NCAM2: variants seen among roughly 807,000 people sequenced by gnomAD.
NCAM2 encodes N-CAM-2.
Under a neutral mutation model 98.1 loss-of-function variants are expected in NCAM2, and 30 were observed. The observed-to-expected ratio is 0.31, with a 90% CI of 0.23 to 0.41. The LOEUF (loss-of-function observed/expected upper bound fraction) is 0.41. Among genes scored for constraint, NCAM2 ranks in the 10% least tolerant of loss-of-function variants. The pLI is 1.00. For synonymous variants in NCAM2, 368 were observed against 342.4 expected (o/e 1.07, Z -0.83); for missense variants, 867 against 1,005.8 (o/e 0.86, Z 1.87).
intron 8 of NCAM2, among the ~76,000 whole-genome samples, chr21:21,362,641 G>A (rs1205558323): frequency 6.6e-6 from 1 of 152,026 alleles, no homozygotes; most frequent in African/African-American, 2.4e-5. Flanking sequence ...ACTCTTCAGT[G>A]GTAATTTATC....
chr21:21,297,644 G>T (rs751590107), intron 5 of NCAM2, among the ~76,000 whole-genome samples: 1 of 151,530 alleles, frequency 6.6e-6, no homozygotes, highest in East Asian at 2.0e-4. Context: ...TCTAAAAGAG[G>T]ATTAATATTG....
In NCAM2 at chr21:21,404,403, T is replaced by C. The variant is rs232452; in HGVS notation, c.1196-5871T>C. Among the ~76,000 whole-genome samples, 1,047 of 152,190 alleles carry C rather than the reference T, an allele frequency of 6.9e-3. 14 individuals carry two copies. Among genetic ancestry groups the C allele is most frequent in the African/African-American group, 0.023 (972 of 41,538 alleles). On this transcript the variant is annotated intron_variant, in intron 9 of 17. Coordinates refer to ENST00000400546, the MANE Select transcript of NCAM2 (RefSeq NM_004540.5). ...GGTAGTGAATAAGTCTCACGAGAGC[T>C]GATGGTTTTATAAGGGGTTTCCCCT... is the stretch of plus-strand genomic sequence containing the variant.
intron 12 of NCAM2, among the ~76,000 whole-genome samples, chr21:21,440,533 T>C (rs992311204): frequency 4.6e-5 from 7 of 151,872 alleles, no homozygotes; most frequent in African/African-American, 1.7e-4. Flanking sequence ...ATACAAAAAT[T>C]AGCTGGGTGT....
At chr21:21,134,891 T>G (rs1206298915) in intron 1 of NCAM2, among the ~76,000 whole-genome samples, 1 of 152,032 alleles carries the variant, frequency 6.6e-6, no homozygotes, top group Non-Finnish European at 1.5e-5. Context: ...TTTTTTATTT[T>G]TATTTTTTTG....
chr21:21,094,664 G>C (rs1442484051), intron 1 of NCAM2, among the ~76,000 whole-genome samples: 1 of 151,692 alleles, frequency 6.6e-6, no homozygotes, highest in East Asian at 1.9e-4. Flanking sequence ...CAGAATAAAT[G>C]TATGTAGTGT....
intron 6 of NCAM2, among the ~76,000 whole-genome samples, chr21:21,334,227 C>A (rs2074793605): frequency 1.3e-5 from 2 of 152,138 alleles, no homozygotes. Context: ...CCCACCACAC[C>A]CGACCCATTT....
chr21:21,124,487 C>T (rs974964806), intron 1 of NCAM2, among the ~76,000 whole-genome samples: 2 of 151,972 alleles, frequency 1.3e-5, no homozygotes, highest in Non-Finnish European at 2.9e-5. Context: ...GGTCAGCTTT[C>T]GAGGGCTACA....
At chr21:21,072,559 T>C (rs1277220576) in intron 1 of NCAM2, among the ~76,000 whole-genome samples, 4 of 152,072 alleles carry the variant, frequency 2.6e-5, no homozygotes, top group Non-Finnish European at 4.4e-5. Flanking sequence ...ACCAGATAAA[T>C]AAATTAGACT....
chr21:21,089,374 A>G (rs1247869668), intron 1 of NCAM2, among the ~76,000 whole-genome samples: 1 of 152,112 alleles, frequency 6.6e-6, no homozygotes, highest in African/African-American at 2.4e-5. Flanking sequence ...AACCTATGAG[A>G]ATTTTCTCTC....
chr21:21,419,013 G>C (rs2077050635), intron 11 of NCAM2, among the ~76,000 whole-genome samples: 1 of 152,194 alleles, frequency 6.6e-6, no homozygotes, highest in East Asian at 1.9e-4. Flanking sequence ...AATTTTGCAT[G>C]CATAAAAATT....
At chr21:21,265,251 A>G (rs1248358522) in intron 1 of NCAM2, among the ~76,000 whole-genome samples, 7 of 128,598 alleles carry the variant, frequency 5.4e-5, no homozygotes, top group African/African-American at 2.0e-4. Context: ...GTATGTGTAT[A>G]TATACGTATA....
chr21:21,458,146 C>T (rs866438057), intron 12 of NCAM2, among the ~76,000 whole-genome samples: 3 of 152,292 alleles, frequency 2.0e-5, no homozygotes, highest in Middle Eastern at 3.4e-3. Flanking sequence ...CATCTCACAT[C>T]GTGGGCTCTG....
chr21:21,296,535 G>T (rs1473752147), intron 5 of NCAM2, among the ~76,000 whole-genome samples: 1 of 151,732 alleles, frequency 6.6e-6, no homozygotes, highest in Non-Finnish European at 1.5e-5. Flanking sequence ...CAGCTGAAAA[G>T]CAGGTAGCAG....
At chr21:21,247,189 G>A (rs961006010) in intron 1 of NCAM2, among the ~76,000 whole-genome samples, 6 of 152,070 alleles carry the variant, frequency 3.9e-5, no homozygotes, top group African/African-American at 9.6e-5. Context: ...CGTGGTGGTG[G>A]GCACCTGTAG....
At chr21:21,029,953 A>G (rs1164293623) in intron 1 of NCAM2, among the ~76,000 whole-genome samples, 2 of 152,116 alleles carry the variant, frequency 1.3e-5, no homozygotes, top group East Asian at 3.9e-4. Flanking sequence ...AAACTGCCCT[A>G]TGCTGTTCAT....
intron 8 of NCAM2, among the ~76,000 whole-genome samples, chr21:21,349,018 T>C (rs761575413): frequency 7.2e-5 from 11 of 152,040 alleles, no homozygotes; most frequent in Admixed American, 2.6e-4. Context: ...TCCAGGACAT[T>C]GACCTGGGCA....
At chr21:21,068,191 C>T (rs1023934117) in intron 1 of NCAM2, among the ~76,000 whole-genome samples, 3 of 131,808 alleles carry the variant, frequency 2.3e-5, no homozygotes, top group African/African-American at 8.7e-5. Context: ...GGCTGGAGTA[C>T]AGTGGCGCTT....
At position 21,542,621 on chromosome 21, in the gene NCAM2, C is replaced by T. The variant is rs1050273622; in HGVS notation, c.*4664C>T. The T allele has an allele frequency of 6.6e-6, 1 of 151,648 alleles. No individual in the cohort carries two copies. Among genetic ancestry groups the T allele is most frequent in the African/African-American group, 2.4e-5 (1 of 41,320 alleles). 9.4% of individuals were successfully genotyped at this position (151,648 alleles called of 1,614,324 possible). A position where few individuals can be genotyped will look rare whatever the true frequency, so the allele number is the denominator to read the frequency against. ...CAAAACCATCACTGTTGGAGAATTT[C>T]AAATCACAACCCGACATAGGAGAGT... On this transcript the variant is annotated 3_prime_UTR_variant, in exon 18 of 18. Coordinates refer to ENST00000400546, the MANE Select transcript of NCAM2 (RefSeq NM_004540.5).
chr21:21,153,863 G>C (rs1457571587), intron 1 of NCAM2, among the ~76,000 whole-genome samples: 2 of 151,836 alleles, frequency 1.3e-5, no homozygotes, highest in African/African-American at 4.8e-5. Context: ...AGACTTAATT[G>C]GGCAGCTTTT....
Sources: gnomAD v4.1 joint callset for allele counts (sites outside exome capture counted in the v4.1 genomes callset) on GRCh38, gnomAD v4.1.1 for gene constraint, MANE v1.5 for transcripts, NCBI Gene and HGNC (gene_info 2026-07-23, HGNC 2026-07-21) for gene names.